The following PRUNE2 variants were observed in gnomAD, a reference collection of about 807,000 sequenced individuals.
PRUNE2 encodes protein prune homolog 2.
A neutral mutation model predicts 252.0 loss-of-function variants in PRUNE2; 164 were observed. The observed-to-expected ratio is 0.65, with a 90% CI of 0.57 to 0.74. The LOEUF (loss-of-function observed/expected upper bound fraction) is 0.74, where lower values mean the gene tolerates loss of function less well. Among genes scored for constraint, PRUNE2 ranks in the 30% least tolerant of loss-of-function variants. The pLI is 0.00. For missense variants in PRUNE2, 3,495 were observed against 3,711.0 expected (o/e 0.94, Z 1.51); for synonymous variants, 1,292 against 1,350.2 (o/e 0.96, Z 0.94).
chr9:76,664,991 TC>T (rs2039847617), intron 9 of PRUNE2, among the ~76,000 whole-genome samples: 1 of 152,158 alleles, frequency 6.6e-6, no homozygotes, highest in Non-Finnish European at 1.5e-5. Flanking sequence ...TGTCATCCTC[TC>T]CACTCCATTC....
chr9:76,665,698 C>T (rs1471613227), intron 9 of PRUNE2, among the ~76,000 whole-genome samples: 1 of 152,130 alleles, frequency 6.6e-6, no homozygotes, highest in Admixed American at 6.5e-5. Flanking sequence ...GGGTAAAGTG[C>T]TCCTCAGAAT....
intron 1 of PRUNE2, among the ~76,000 whole-genome samples, chr9:76,872,367 C>G (rs559136867): frequency 6.6e-6 from 1 of 152,260 alleles, no homozygotes; most frequent in Admixed American, 6.5e-5. Context: ...GCTACAAATA[C>G]AGTACAATTA....
chr9:76,687,680 C>A, intron 9 of PRUNE2: 1 of 393,682 alleles, frequency 2.5e-6, no homozygotes, highest in Non-Finnish European at 5.2e-6. Flanking sequence ...ACATTTGAGT[C>A]CTAGAGCCAT....
At chr9:76,891,001 C>A (rs534338979) in intron 1 of PRUNE2, among the ~76,000 whole-genome samples, 25 of 152,210 alleles carry the variant, frequency 1.6e-4, no homozygotes, top group African/African-American at 5.3e-4. Flanking sequence ...TTCATCTTTG[C>A]GCATATTGGC....
rs2046239541 is a variant in PRUNE2 at position 76,705,395 on chromosome 9, A to G, written c.6879T>C (p.Asp2293=). 1.2e-6 allele frequency: 2 copies of G among 1,613,864 alleles called. No homozygotes were observed. Among genetic ancestry groups the G allele is most frequent in the Admixed American group, 3.3e-5 (2 of 60,004 alleles). ...TGTGGTCAAAGGCAGCTTCGCTTAT[A>G]TCCAGACAAGTGTCTGAGGCTAGCA... ...DALLASDTCL[D]ISEAAFDHSF... Residue 2293 remains aspartate, a synonymous_variant, in exon 8 of 19, where the codon GAT becomes GAC. Transcript: ENST00000376718.
chr9:76,900,720 CT>C (rs1302093654), intron 1 of PRUNE2, among the ~76,000 whole-genome samples: 5 of 152,140 alleles, frequency 3.3e-5, no homozygotes, highest in African/African-American at 7.2e-5. Context: ...CTCTGGTCCC[CT>C]GATATTGTTT....
intron 6 of PRUNE2, among the ~76,000 whole-genome samples, chr9:76,813,772 T>C (rs2057511077): frequency 6.6e-6 from 1 of 152,136 alleles, no homozygotes; most frequent in Non-Finnish European, 1.5e-5. Flanking sequence ...GAATAAAGAG[T>C]ATACATTGTA....
At chr9:76,857,301 A>G (rs1309173117) in intron 1 of PRUNE2, among the ~76,000 whole-genome samples, 1 of 152,212 alleles carries the variant, frequency 6.6e-6, no homozygotes, top group East Asian at 1.9e-4. Flanking sequence ...AATGAAGAAT[A>G]TATGCCAATG....
rs969649708 is a variant in PRUNE2 at position 76,708,054 on chromosome 9, G to A, written c.4220C>T (p.Ser1407Phe). 10 of 1,613,850 alleles carry A rather than the reference G, an allele frequency of 6.2e-6. No individual in the cohort carries two copies. In the African/African-American group the frequency reaches 8.0e-5, roughly 13 times the overall value. The change falls in exon 8 of 19, where the codon TCT (serine) becomes TTT (phenylalanine). Residue 1407 changes from serine (S) to phenylalanine (F), a missense_variant. By Grantham distance (155) the Ser-to-Phe change is radical. Transcript: ENST00000376718. ...CACATCACGGGAGTCTAGATTGTAA[G>A]ACCCCTCCTCATACTCTAAAACTTC... Reference protein sequence around the residue: ...PEEVLEYEEGSYNLDSRDVQT... With the variant: ...PEEVLEYEEGFYNLDSRDVQT...
chr9:76,643,046 T>C lies in PRUNE2; in HGVS notation c.8728+1693A>G, dbSNP rs139999486. On this transcript the variant is annotated intron_variant, in intron 12 of 18. Coordinates refer to ENST00000376718, the MANE Select transcript of PRUNE2 (RefSeq NM_015225.3). The stretch of plus-strand genomic sequence containing the variant: ...GGGACGGAGAGCACAGCAAACCAGG[T>C]TAGCCCTGAGGGCTCAGGTGAATTG... Among the ~76,000 whole-genome samples the C allele has an allele frequency of 4.4e-3, 668 of 152,288 alleles. 9 individuals carry two copies. The highest frequency in any genetic ancestry group is 0.016 in the African/African-American group (650 of 41,560).
rs1354247040 is a variant in PRUNE2 at position 76,706,628 on chromosome 9, G to C, written c.5646C>G (p.His1882Gln). The C allele has an allele frequency of 6.2e-7, 1 of 1,613,888 alleles. No individual in the cohort carries two copies. The highest frequency in any genetic ancestry group is 8.5e-7 in the Non-Finnish European group (1 of 1,179,818). ...GGTTGTCACTAAAAGGATTAGTATA[G>C]TGTGTTTCCACGGGCTCAATATCAC... is the stretch of plus-strand genomic sequence containing the variant. ...VQGDIEPVETHYTNPFSDNHQ... is the reference protein window; with the variant it reads ...VQGDIEPVETQYTNPFSDNHQ... The change falls in exon 8 of 19, where the codon CAC (histidine) becomes CAG (glutamine). Residue 1882 changes from histidine (H) to glutamine (Q), a missense_variant. His to Gln is a conservative substitution (Grantham distance 24). Coordinates refer to ENST00000376718, the MANE Select transcript of PRUNE2 (RefSeq NM_015225.3).
intron 9 of PRUNE2, among the ~76,000 whole-genome samples, chr9:76,674,270 CAG>C (rs2042088821): frequency 6.6e-6 from 1 of 152,184 alleles, no homozygotes; most frequent in African/African-American, 2.4e-5. Context: ...AACAGACAAA[CAG>C]AGAGCCAAAT....
In PRUNE2 at chr9:76,894,675, T is replaced by C. The variant is rs544079775; in HGVS notation, c.36+11253A>G. ...GTTGCTGGAGAGGAGGAAGCCAACA[T>C]GCACTTTTCTCTTTTTGCACCCTTT... On this transcript the variant is annotated intron_variant, in intron 1 of 18. Coordinates refer to ENST00000376718, the MANE Select transcript of PRUNE2 (RefSeq NM_015225.3). Among the ~76,000 whole-genome samples the C allele has an allele frequency of 1.0e-4, 15 of 150,312 alleles. No homozygotes were observed. The East Asian group carries it at 2.5e-3, about 25-fold the overall frequency.
In PRUNE2 at chr9:76,704,844, A is replaced by C; in HGVS notation, c.7430T>G (p.Ile2477Ser). The stretch of plus-strand genomic sequence containing the variant: ...CCAGTCAACGTTTGATGGAGACAAA[A>C]TGTTGGAGCCTGCTCCTACCGGCAA... The part of the protein sequence containing the change: ...VYLPVGAGSN[I>S]LSPSNVDWEV... Residue 2477 changes from isoleucine (I) to serine (S), a missense_variant, in exon 8 of 19, where the codon ATT becomes AGT. Transcript: ENST00000376718. The C allele has an allele frequency of 1.3e-6, 2 of 1,597,000 alleles. No homozygotes were observed. The highest frequency in any genetic ancestry group is 4.5e-5 in the East Asian group (2 of 44,390).
intron 5 of PRUNE2, among the ~76,000 whole-genome samples, chr9:76,825,389 G>A (rs2058286001): frequency 6.6e-6 from 1 of 152,126 alleles, no homozygotes; most frequent in Non-Finnish European, 1.5e-5. Context: ...TCTTTCTCAT[G>A]GTCTCTGGTG....
At chr9:76,783,364 T>C (rs7873346) in intron 6 of PRUNE2, among the ~76,000 whole-genome samples, 4,126 of 152,184 alleles carry the variant, frequency 0.027, 180 homozygotes, top group African/African-American at 0.094. Context: ...CTTGAACTCC[T>C]GACCTCAGGT....
chr9:76,905,925 T>A lies in PRUNE2; in HGVS notation c.36+3A>T. On this transcript the variant is annotated splice_donor_region_variant and intron_variant, in intron 1 of 18. Coordinates refer to ENST00000376718, the MANE Select transcript of PRUNE2 (RefSeq NM_015225.3). ...CACACACAGCTTTGCTCACTCAACT[T>A]ACCAGTTTAGATTTGGCGCGTTGCA... 3.7e-6 allele frequency: 6 copies of A among 1,614,152 alleles called. No individual in the cohort carries two copies. Among genetic ancestry groups the A allele is most frequent in the Non-Finnish European group, 5.1e-6 (6 of 1,180,008 alleles).
chr9:76,629,280 T>C lies in PRUNE2; in HGVS notation c.9061A>G (p.Ser3021Gly). ...VTRPFISSKF[S>G]SKIKYVNSLS... ...CTATTGACATATTTAATTTTACTGC[T>C]GAATTTTGAACTAAAAAAAAAAAAA... Residue 3021 changes from serine (S) to glycine (G), a missense_variant, in exon 16 of 19, where the codon AGC becomes GGC. Coordinates refer to ENST00000376718, the MANE Select transcript of PRUNE2 (RefSeq NM_015225.3). 1 of 1,533,222 alleles carries C rather than the reference T, an allele frequency of 6.5e-7. No individual in the cohort carries two copies. The allele number at this position is 1,533,222 out of a possible 1,614,324, so 95.0% of individuals were successfully genotyped here.
chr9:76,900,126 G>A (rs940995780), intron 1 of PRUNE2, among the ~76,000 whole-genome samples: 1 of 152,184 alleles, frequency 6.6e-6, no homozygotes, highest in African/African-American at 2.4e-5. Context: ...GAAACTGGAT[G>A]AATCACAATG....
Sources: allele counts gnomAD v4.1 joint callset (sites outside exome capture counted in the v4.1 genomes callset), GRCh38; gene constraint gnomAD v4.1.1; transcripts MANE v1.5; gene names NCBI Gene and HGNC (gene_info 2026-07-23, HGNC 2026-07-21).